The following CTNNA3 variants were observed in gnomAD, a reference collection of about 807,000 sequenced individuals.
CTNNA3 encodes catenin alpha-3.
A neutral mutation model predicts 95.7 loss-of-function variants in CTNNA3; 76 were observed. That is an observed-to-expected ratio of 0.79 (90% CI 0.66 to 0.96). The LOEUF is 0.96. Among genes scored for constraint, CTNNA3 ranks in the 40% least tolerant of loss-of-function variants. The pLI is 0.00. For missense variants in CTNNA3, 1,191 were observed against 1,089.8 expected (o/e 1.09, Z -1.31); for synonymous variants, 431 against 374.4 (o/e 1.15, Z -1.74).
At chr10:66,200,606 C>T (rs1388532511) in intron 13 of CTNNA3, among the ~76,000 whole-genome samples, 1 of 152,162 alleles carries the variant, frequency 6.6e-6, no homozygotes, top group Non-Finnish European at 1.5e-5. Context: ...TTCAGAATTG[C>T]ACTGCGAATG....
chr10:66,468,485 T>C (rs1839008964), intron 11 of CTNNA3, among the ~76,000 whole-genome samples: 1 of 151,898 alleles, frequency 6.6e-6, no homozygotes, highest in Non-Finnish European at 1.5e-5. Flanking sequence ...AATGGGAAAA[T>C]GCTGGTCAAG....
At position 66,324,132 on chromosome 10, in the gene CTNNA3, C is replaced by T. The variant is rs7902471; in HGVS notation, c.1733-43511G>A. Among the ~76,000 whole-genome samples the T allele has an allele frequency of 2.3e-3, 344 of 151,850 alleles. 1 individual carries two copies. Among genetic ancestry groups the T allele is most frequent in the African/African-American group, 7.9e-3 (328 of 41,438 alleles). On this transcript the variant is annotated intron_variant, in intron 12 of 17. Coordinates refer to ENST00000433211, the MANE Select transcript of CTNNA3 (RefSeq NM_013266.4). ...GTCAGGGGTTCCAGTCCAGCCTGGC[C>T]AATATGGTGAAGCCTCATCTCTACT...
intron 5 of CTNNA3, among the ~76,000 whole-genome samples, chr10:67,361,047 T>A (rs1589214475): frequency 6.7e-6 from 1 of 149,688 alleles, no homozygotes; most frequent in African/African-American, 2.4e-5. Context: ...TATTACATAA[T>A]GATAAAGTGT....
chr10:66,632,555 C>CAAA (rs10559608), intron 9 of CTNNA3, among the ~76,000 whole-genome samples: 18 of 100,868 alleles, frequency 1.8e-4, no homozygotes, highest in East Asian at 6.9e-4. Flanking sequence ...AACTCCATCT[C>CAAA]AAAAAAAAAA....
chr10:66,209,619 C>T (rs981582716), intron 13 of CTNNA3, among the ~76,000 whole-genome samples: 6 of 151,882 alleles, frequency 4.0e-5, no homozygotes, highest in African/African-American at 9.7e-5. Context: ...GAGTAGAAAA[C>T]GCAGTCAGAG....
rs1554827767 is a variant in CTNNA3, at chr10:67,366,356, A to AAAAAT, written c.580-146491_580-146487dup. Among the ~76,000 whole-genome samples, 484 of 69,474 alleles carry AAAAAT rather than the reference A, an allele frequency of 7.0e-3. 3 individuals carry two copies. Among genetic ancestry groups the AAAAAT allele is most frequent in the African/African-American group, 0.012 (467 of 37,458 alleles). The allele number at this position is 69,474 out of a possible 152,430, so 45.6% of individuals were successfully genotyped here. A position where few individuals can be genotyped will look rare whatever the true frequency, so the allele number is the denominator to read the frequency against. ...CATGTATCCTAGAACTTAAAGTATAAAAAATAAAATAAAATAAAGAAAAGA... is the reference window on the plus strand; with the variant it reads ...CATGTATCCTAGAACTTAAAGTATAAAAAATAAAATAAAATAAAATAAAGAAAAGA... On this transcript the variant is annotated intron_variant, in intron 5 of 17. Transcript: ENST00000433211.
At chr10:66,162,180 A>G (rs1015050889) in intron 13 of CTNNA3, among the ~76,000 whole-genome samples, 1 of 151,896 alleles carries the variant, frequency 6.6e-6, no homozygotes, top group Non-Finnish European at 1.5e-5. Flanking sequence ...TTTAATAACT[A>G]ACCTCCTGAA....
At chr10:66,088,004 A>G (rs557829406) in intron 14 of CTNNA3, among the ~76,000 whole-genome samples, 8 of 152,150 alleles carry the variant, frequency 5.3e-5, no homozygotes, top group Middle Eastern at 6.8e-3. Context: ...CTATTAATGT[A>G]ACTTTTTAAA....
chr10:66,027,325 A>G (rs925508386), intron 15 of CTNNA3, among the ~76,000 whole-genome samples: 1 of 152,180 alleles, frequency 6.6e-6, no homozygotes, highest in African/African-American at 2.4e-5. Flanking sequence ...TGAATATATT[A>G]ATAATTGTGT....
chr10:66,954,588 G>C (rs946648727), intron 7 of CTNNA3, among the ~76,000 whole-genome samples: 1 of 152,104 alleles, frequency 6.6e-6, no homozygotes, highest in African/African-American at 2.4e-5. Flanking sequence ...CTTAGCTTCA[G>C]TTAAAATTAT....
At chr10:67,304,998 T>C (rs929407863) in intron 5 of CTNNA3, among the ~76,000 whole-genome samples, 8 of 152,062 alleles carry the variant, frequency 5.3e-5, no homozygotes, top group Non-Finnish European at 1.0e-4. Context: ...GGTATTAGGC[T>C]GGGTGCGGTG....
At chr10:66,467,783 C>T (rs80335931) in intron 11 of CTNNA3, among the ~76,000 whole-genome samples, 2,306 of 152,068 alleles carry the variant, frequency 0.015, 35 homozygotes, top group East Asian at 0.067. Context: ...TGTATCATAG[C>T]GTATGGTAAG....
At chr10:66,320,558 G>A (rs1046295701) in intron 12 of CTNNA3, among the ~76,000 whole-genome samples, 1 of 152,054 alleles carries the variant, frequency 6.6e-6, no homozygotes, top group Non-Finnish European at 1.5e-5. Context: ...CTGCCCTGAG[G>A]AGCATGACAC....
At chr10:67,592,279 C>T (rs1408920657) in intron 3 of CTNNA3, among the ~76,000 whole-genome samples, 3 of 152,070 alleles carry the variant, frequency 2.0e-5, no homozygotes, top group South Asian at 2.1e-4. Context: ...CTCCAATGTC[C>T]ATGTACCTTA....
At chr10:67,496,130 C>T (rs968996526) in intron 5 of CTNNA3, among the ~76,000 whole-genome samples, 3 of 152,166 alleles carry the variant, frequency 2.0e-5, no homozygotes, top group Admixed American at 6.5e-5. Context: ...AAGAGTCTAC[C>T]TTCTTTCCAT....
In CTNNA3 at chr10:66,754,605, C is replaced by T. The variant is rs559018243; in HGVS notation, c.1281+11659G>A. 9.9e-5 allele frequency among the ~76,000 whole-genome samples: 15 copies of T among 151,988 alleles called. 1 individual carries two copies. In the South Asian group the frequency reaches 1.9e-3, roughly 19 times the overall value. On this transcript the variant is annotated intron_variant, in intron 9 of 17. Coordinates refer to ENST00000433211, the MANE Select transcript of CTNNA3 (RefSeq NM_013266.4). ...CCCACAGCATGGAAGAAAAATTTTG[C>T]GAATCATATATCTGATAAGGGGGTT...
At chr10:66,788,215 G>T (rs1840822879) in intron 7 of CTNNA3, among the ~76,000 whole-genome samples, 1 of 151,868 alleles carries the variant, frequency 6.6e-6, no homozygotes, top group African/African-American at 2.4e-5. Context: ...CCTTCCCAAG[G>T]GTCAACGTTC....
intron 3 of CTNNA3, among the ~76,000 whole-genome samples, chr10:67,556,535 T>A (rs1436340500): frequency 6.6e-6 from 1 of 152,222 alleles, no homozygotes. Flanking sequence ...TTCTAGTTTA[T>A]TTGCTTAGAG....
intron 13 of CTNNA3, among the ~76,000 whole-genome samples, chr10:66,127,271 CAAAAAAAA>C (rs35884096): frequency 4.0e-5 from 3 of 74,156 alleles, no homozygotes; most frequent in African/African-American, 1.0e-4. Context: ...GACTCTGTCT[CAAAAAAAA>C]AAAAAAAAAA....
Sources: gnomAD v4.1 joint callset for allele counts (sites outside exome capture counted in the v4.1 genomes callset) on GRCh38, gnomAD v4.1.1 for gene constraint, MANE v1.5 for transcripts, NCBI Gene and HGNC (gene_info 2026-07-23, HGNC 2026-07-21) for gene names.